ZHX3: variants seen among roughly 807,000 people sequenced by gnomAD.
ZHX3 encodes the protein zinc fingers and homeoboxes 3, also known as zinc fingers and homeoboxes protein 3.
A neutral mutation model predicts 64.5 loss-of-function variants in ZHX3; 20 were observed. That is an observed-to-expected ratio of 0.31 (90% CI 0.22 to 0.45). ZHX3 has a LOEUF of 0.45. Ranked by LOEUF, ZHX3 falls within the 20% of genes least tolerant of loss-of-function variation. ZHX3 has a pLI of 1.00. For missense variants in ZHX3, 1,041 were observed against 1,195.8 expected, an observed-to-expected ratio of 0.87 and a Z score of 1.91; for synonymous variants, 423 against 461.6, an observed-to-expected ratio of 0.92 and a Z score of 1.07.
chr20:41,288,804 A>G (rs1213214986), intron 1 of ZHX3, among the ~76,000 whole-genome samples: 2 of 152,166 alleles, frequency 1.3e-5, no homozygotes, highest in African/African-American at 2.4e-5. Context: ...TTTTCATACT[A>G]TAAGGGTGGG....
At chr20:41,264,734 G>C (rs190664063) in intron 2 of ZHX3, among the ~76,000 whole-genome samples, 1 of 152,126 alleles carries the variant, frequency 6.6e-6, no homozygotes, top group East Asian at 1.9e-4. Flanking sequence ...AACGGAAAGA[G>C]AGAAAACTAT....
intron 1 of ZHX3, among the ~76,000 whole-genome samples, chr20:41,313,733 A>G (rs978821004): frequency 1.3e-5 from 2 of 151,456 alleles, no homozygotes; most frequent in African/African-American, 4.9e-5. Flanking sequence ...AAGTAGCTGG[A>G]ACTACAGGCG....
chr20:41,275,410 A>G (rs1318983986), intron 1 of ZHX3, among the ~76,000 whole-genome samples: 1 of 152,160 alleles, frequency 6.6e-6, no homozygotes, highest in Non-Finnish European at 1.5e-5. Flanking sequence ...TTTCACCAGG[A>G]AGTTTAAGTT....
chr20:41,301,884 C>T (rs535406692), intron 1 of ZHX3, among the ~76,000 whole-genome samples: 9 of 151,484 alleles, frequency 5.9e-5, no homozygotes, highest in African/African-American at 1.9e-4. Context: ...GAAACCCCGT[C>T]TCTACTAAAA....
intron 1 of ZHX3, among the ~76,000 whole-genome samples, chr20:41,305,126 G>A (rs1300439383): frequency 6.6e-6 from 1 of 152,198 alleles, no homozygotes; most frequent in Non-Finnish European, 1.5e-5. Flanking sequence ...TAAAATTGAG[G>A]TTCAAAGATT....
At chr20:41,291,722 CAA>C (rs1364625100) in intron 1 of ZHX3, among the ~76,000 whole-genome samples, 1 of 150,990 alleles carries the variant, frequency 6.6e-6, no homozygotes, top group Non-Finnish European at 1.5e-5. Context: ...TCAAAACCTA[CAA>C]AAGTTTTTGT....
chr20:41,217,099 C>G (rs2039584467), intron 2 of ZHX3, among the ~76,000 whole-genome samples: 2 of 152,004 alleles, frequency 1.3e-5, no homozygotes, highest in Non-Finnish European at 2.9e-5. Flanking sequence ...TTTTTTGGAG[C>G]CCATCTACCA....
At chr20:41,314,162 C>A (rs919159141) in intron 1 of ZHX3, among the ~76,000 whole-genome samples, 3 of 152,096 alleles carry the variant, frequency 2.0e-5, no homozygotes, top group Non-Finnish European at 4.4e-5. Context: ...AATTCTACCC[C>A]AAGATACAAT....
intron 1 of ZHX3, among the ~76,000 whole-genome samples, chr20:41,306,083 A>T (rs1373458257): frequency 6.6e-6 from 1 of 152,192 alleles, no homozygotes; most frequent in East Asian, 1.9e-4. Flanking sequence ...CTTTAAAGAT[A>T]ACTATATAGC....
At chr20:41,217,266 G>C (rs1322323593) in intron 2 of ZHX3, among the ~76,000 whole-genome samples, 2 of 151,912 alleles carry the variant, frequency 1.3e-5, no homozygotes, top group Non-Finnish European at 2.9e-5. Flanking sequence ...TTACTGGGAG[G>C]AAAAACCCAA....
chr20:41,316,041 A>T (rs1003969664), intron 1 of ZHX3, among the ~76,000 whole-genome samples: 8 of 151,902 alleles, frequency 5.3e-5, no homozygotes, highest in Non-Finnish European at 1.0e-4. Flanking sequence ...CAAAACCAAA[A>T]ACCAAAACAA....
chr20:41,203,972 A>C lies in ZHX3; in HGVS notation c.945T>G (p.Ser315=). The C allele has an allele frequency of 6.2e-7, 1 of 1,614,238 alleles. No homozygotes were observed. The highest frequency in any genetic ancestry group is 1.3e-5 in the African/African-American group (1 of 75,064). ...SIPTYNAAMD[S]NSFLKNSFHK... Reference sequence around the variant, plus strand: ...GGAAGGAGTTCTTCAGGAAGCTGTTAGAGTCCATGGCTGCATTGTACGTTG... The same window carrying C: ...GGAAGGAGTTCTTCAGGAAGCTGTTCGAGTCCATGGCTGCATTGTACGTTG... Residue 315 remains serine, a synonymous_variant, in exon 3 of 4, where the codon TCT becomes TCG. Transcript: ENST00000683867. The surrounding 1 kb of genome is among the most constrained non-coding windows in gnomAD (Gnocchi z 7.1).
chr20:41,199,289 ATTTCTT>A (rs1184806746), intron 3 of ZHX3, among the ~76,000 whole-genome samples: 1 of 151,736 alleles, frequency 6.6e-6, no homozygotes. Flanking sequence ...ATGGTTTTCT[ATTTCTT>A]TTTATGTTTT....
chr20:41,242,605 G>C (rs573539243), intron 2 of ZHX3, among the ~76,000 whole-genome samples: 1 of 152,268 alleles, frequency 6.6e-6, no homozygotes, highest in Admixed American at 6.5e-5. Flanking sequence ...TCTGACCCAT[G>C]ATCTACTAGT....
chr20:41,245,494 C>G (rs1366687519), intron 2 of ZHX3, among the ~76,000 whole-genome samples: 1 of 152,204 alleles, frequency 6.6e-6, no homozygotes, highest in African/African-American at 2.4e-5. Context: ...CCCAGTGATA[C>G]AAAGAAGGGA....
intron 2 of ZHX3, among the ~76,000 whole-genome samples, chr20:41,237,511 G>T (rs1420054902): frequency 6.6e-6 from 1 of 152,088 alleles, no homozygotes; most frequent in African/African-American, 2.4e-5. Flanking sequence ...ACTATCGCAA[G>T]GACAAAAAAC....
chr20:41,276,348 G>T (rs113904708), intron 1 of ZHX3, among the ~76,000 whole-genome samples: 3 of 152,160 alleles, frequency 2.0e-5, no homozygotes, highest in Non-Finnish European at 4.4e-5. Flanking sequence ...TGAAGCCTCT[G>T]TAAAAGGGAG....
At chr20:41,258,972 G>A (rs2042414951) in intron 2 of ZHX3, among the ~76,000 whole-genome samples, 1 of 151,878 alleles carries the variant, frequency 6.6e-6, no homozygotes, top group Admixed American at 6.6e-5. Context: ...TGTTTGTTCA[G>A]TGAATTTTAC....
rs983153263 is a variant in ZHX3, at chr20:41,201,760, TCTC to T, written c.2860+294_2860+296del. 7.2e-5 allele frequency among the ~76,000 whole-genome samples: 11 copies of T among 152,336 alleles called. No homozygotes were observed. Among genetic ancestry groups the T allele is most frequent in the African/African-American group, 2.4e-4 (10 of 41,584 alleles). The stretch of plus-strand genomic sequence containing the variant: ...CGACTCAGAGGATGTTTTGACCTGT[TCTC>T]CTATTGCTAAGAAATGGCTAGAAAA... On this transcript the variant is annotated intron_variant, in intron 3 of 3. Coordinates refer to ENST00000683867, the MANE Select transcript of ZHX3 (RefSeq NM_001384317.1). This position sits in a 1 kb window ranked among gnomAD's most constrained non-coding sequence, Gnocchi z 5.0.
Sources: gnomAD v4.1 joint callset for allele counts (sites outside exome capture counted in the v4.1 genomes callset) on GRCh38, gnomAD v4.1.1 for gene constraint, Gnocchi (gnomAD v3.1) non-coding constraint, MANE v1.5 for transcripts, NCBI Gene and HGNC (gene_info 2026-07-23, HGNC 2026-07-21) for gene names.